Variants in SVOP observed in about 807,000 individuals in gnomAD.
The protein encoded by SVOP is SV2 related protein.
SVOP carries 17 observed loss-of-function variants against 69.1 expected under a neutral mutation model. The observed-to-expected ratio is 0.25, with a 90% CI of 0.17 to 0.37. The LOEUF is 0.37. SVOP is among the 10% of genes least tolerant of loss of function. The pLI is 1.00. For missense variants in SVOP, 435 were observed against 597.5 expected (o/e 0.73, Z 2.84); for synonymous variants, 238 against 238.6 (o/e 1.00, Z 0.02).
intron 5 of SVOP, among the ~76,000 whole-genome samples, chr12:108,965,989 C>T (rs1388672161): frequency 1.3e-5 from 2 of 149,680 alleles, no homozygotes; most frequent in African/African-American, 2.5e-5. Context: ...CACTTCCCTC[C>T]CTCCCTTCCT....
chr12:108,968,617 CT>C (rs2040060044), intron 5 of SVOP, among the ~76,000 whole-genome samples: 1 of 152,082 alleles, frequency 6.6e-6, no homozygotes, highest in African/African-American at 2.4e-5. Context: ...GGTATTTTTA[CT>C]CATTTTCTGT....
intron 1 of SVOP, among the ~76,000 whole-genome samples, chr12:109,005,724 A>G (rs994749480): frequency 2.8e-4 from 42 of 152,160 alleles, no homozygotes; most frequent in Admixed American, 2.7e-3. Context: ...AAAGAAAAAA[A>G]GTGAGTGATC....
chr12:108,945,006 C>T lies in SVOP; in HGVS notation c.642+97G>A. ...CATATTGAGTCTGTAATGTTTTTTT[C>T]TTAAACTCCCTTTTCCTTGACCTGT... On this transcript the variant is annotated intron_variant, in intron 7 of 15. Transcript: ENST00000610966. 1.0e-5 allele frequency: 12 copies of T among 1,171,610 alleles called. No individual in the cohort carries two copies. In the Admixed American group the frequency reaches 1.2e-4, roughly 12 times the overall value. 72.6% of individuals were successfully genotyped at this position (1,171,610 alleles called of 1,614,324 possible).
chr12:108,915,437 T>C (rs1222052925), intron 15 of SVOP, among the ~76,000 whole-genome samples: 1 of 152,118 alleles, frequency 6.6e-6, no homozygotes, highest in Non-Finnish European at 1.5e-5. Context: ...CAGTATTTGG[T>C]TTTCTGTTCT....
At chr12:108,973,314 C>T (rs966307059) in intron 4 of SVOP, among the ~76,000 whole-genome samples, 32 of 152,160 alleles carry the variant, frequency 2.1e-4, no homozygotes, top group African/African-American at 6.3e-4. Context: ...GTGGCATGTC[C>T]GAGGGCAGGG....
intron 1 of SVOP, among the ~76,000 whole-genome samples, chr12:108,984,033 G>T (rs1338442929): frequency 6.6e-6 from 1 of 152,182 alleles, no homozygotes; most frequent in Non-Finnish European, 1.5e-5. Context: ...TGTGATTGAG[G>T]ATATCTTTGT....
At chr12:108,932,020 TA>T (rs2039823037) in intron 11 of SVOP, among the ~76,000 whole-genome samples, 1 of 151,992 alleles carries the variant, frequency 6.6e-6, no homozygotes. Flanking sequence ...TTTTTATTTT[TA>T]TTTTTTTTAC....
chr12:108,940,660 C>T (rs1408996711), intron 8 of SVOP, 124 bp downstream of exon 8: 14 of 1,402,446 alleles, frequency 1.0e-5, no homozygotes, highest in Non-Finnish European at 1.2e-5. Flanking sequence ...GTCTCATTTC[C>T]TGATTTAAAA....
At chr12:108,975,583 T>C (rs1275540267) in intron 4 of SVOP, among the ~76,000 whole-genome samples, 1 of 152,224 alleles carries the variant, frequency 6.6e-6, no homozygotes, top group Non-Finnish European at 1.5e-5. Context: ...AAAGAGGTAA[T>C]GTATGCAAAA....
At chr12:108,972,853 A>T (rs1275330028) in intron 4 of SVOP, among the ~76,000 whole-genome samples, 1 of 152,226 alleles carries the variant, frequency 6.6e-6, no homozygotes, top group African/African-American at 2.4e-5. Context: ...AGAAAATACC[A>T]AGGGCTGCAA....
intron 5 of SVOP, among the ~76,000 whole-genome samples, chr12:108,971,881 C>T (rs995676492): frequency 6.6e-6 from 1 of 151,912 alleles, no homozygotes; most frequent in Non-Finnish European, 1.5e-5. Context: ...TGGTGAAATC[C>T]CATTTCTACA....
intron 4 of SVOP, among the ~76,000 whole-genome samples, chr12:108,975,477 G>A (rs143689874): frequency 0.67 from 101,909 of 152,056 alleles, 34,651 homozygotes; most frequent in East Asian, 0.79. Context: ...AGGCTGTCTG[G>A]GCTTGTGCAA....
chr12:108,955,536 T>C (rs970597226), intron 6 of SVOP, among the ~76,000 whole-genome samples: 1 of 152,142 alleles, frequency 6.6e-6, no homozygotes, highest in African/African-American at 2.4e-5. Flanking sequence ...GAATTAATCA[T>C]GAATCAAGGA....
Position 108,909,897 on chromosome 12 carries a change from T to C in SVOP, c.*2638A>G, listed in dbSNP as rs928982325. 1 of 152,222 alleles carries C rather than the reference T, an allele frequency of 6.6e-6. No individual in the cohort carries two copies. The highest frequency in any genetic ancestry group is 2.4e-5 in the African/African-American group (1 of 41,452). 9.4% of individuals were successfully genotyped at this position (152,222 alleles called of 1,614,324 possible). A position where few individuals can be genotyped will look rare whatever the true frequency, so the allele number is the denominator to read the frequency against. ...GGTGCCTTTTGTGATAGCTCTTGTA[T>C]CATTTGATAATATTGATTTTTTTGA... On this transcript the variant is annotated 3_prime_UTR_variant, in exon 16 of 16. Transcript: ENST00000610966.
chr12:108,917,943 C>T, intron 14 of SVOP, 100 bp downstream of exon 14: 1 of 998,066 alleles, frequency 1.0e-6, no homozygotes, highest in Admixed American at 3.0e-5. Context: ...ACCGCGCCCA[C>T]CACCTCATTC....
intron 12 of SVOP, among the ~76,000 whole-genome samples, chr12:108,922,043 C>T (rs967006815): frequency 1.3e-5 from 2 of 152,114 alleles, no homozygotes; most frequent in Non-Finnish European, 2.9e-5. Flanking sequence ...TCCAGTGTGC[C>T]TGGTGTTGGA....
chr12:108,936,952 T>C (rs1555249347), intron 10 of SVOP: 2 of 330,128 alleles, frequency 6.1e-6, no homozygotes, highest in Non-Finnish European at 5.7e-6. Flanking sequence ...ATCCCAGAAT[T>C]TGGGGAGGCT....
At chr12:108,974,517 A>G (rs2040096181) in intron 4 of SVOP, among the ~76,000 whole-genome samples, 1 of 152,176 alleles carries the variant, frequency 6.6e-6, no homozygotes, top group Non-Finnish European at 1.5e-5. Context: ...TTTAAGCAAA[A>G]TAATATTACA....
chr12:109,011,464 C>T (rs1472904189), intron 1 of SVOP, among the ~76,000 whole-genome samples: 1 of 152,150 alleles, frequency 6.6e-6, no homozygotes, highest in East Asian at 1.9e-4. Context: ...TAGGGATCCT[C>T]CCCCTCCTTT....
Sources: gnomAD v4.1 joint callset for allele counts (sites outside exome capture counted in the v4.1 genomes callset) on GRCh38, gnomAD v4.1.1 for gene constraint, MANE v1.5 for transcripts, NCBI Gene and HGNC (gene_info 2026-07-23, HGNC 2026-07-21) for gene names.